The following PCSK5 variants were observed in gnomAD, a reference collection of about 807,000 sequenced individuals.
PCSK5 encodes the protein prohormone convertase 5.
In PCSK5, 129 loss-of-function variants were observed where a neutral mutation model predicts 233.2. That is an observed-to-expected ratio of 0.55 (90% CI 0.48 to 0.64). The LOEUF (loss-of-function observed/expected upper bound fraction) is 0.64, where lower values mean the gene tolerates loss of function less well. PCSK5 is among the 30% of genes least tolerant of loss of function. The pLI is 0.00. For missense variants in PCSK5, 2,076 were observed against 2,430.1 expected, an observed-to-expected ratio of 0.85 and a Z score of 3.06; for synonymous variants, 825 against 879.2, an observed-to-expected ratio of 0.94 and a Z score of 1.09.
chr9:76,242,811 G>T (rs1215641841), intron 24 of PCSK5, among the ~76,000 whole-genome samples: 2 of 152,242 alleles, frequency 1.3e-5, no homozygotes, highest in African/African-American at 4.8e-5. Flanking sequence ...GGCGGGTTGT[G>T]TGTAATCTAA....
intron 5 of PCSK5, among the ~76,000 whole-genome samples, chr9:76,041,231 T>G (rs957749793): frequency 2.0e-5 from 3 of 152,182 alleles, no homozygotes; most frequent in African/African-American, 7.2e-5. Context: ...CCATAAACCA[T>G]AGGAATAGGA....
chr9:76,037,196 A>C (rs1348644338), intron 5 of PCSK5, among the ~76,000 whole-genome samples: 1 of 152,170 alleles, frequency 6.6e-6, no homozygotes, highest in African/African-American at 2.4e-5. Flanking sequence ...CAGAGACTCC[A>C]AAGCAGACAC....
intron 5 of PCSK5, among the ~76,000 whole-genome samples, chr9:76,053,279 G>T (rs1829700272): frequency 6.6e-6 from 1 of 152,178 alleles, no homozygotes; most frequent in Admixed American, 6.5e-5. Context: ...CCTGGTAGAG[G>T]TTCTCCATGA....
intron 10 of PCSK5, among the ~76,000 whole-genome samples, chr9:76,138,750 C>T (rs1038483495): frequency 2.0e-5 from 3 of 151,806 alleles, no homozygotes; most frequent in African/African-American, 4.8e-5. Flanking sequence ...CAGGAATAGA[C>T]GTCAGATAAT....
intron 21 of PCSK5, among the ~76,000 whole-genome samples, chr9:76,231,853 C>T (rs1175044075): frequency 2.0e-5 from 3 of 152,140 alleles, no homozygotes; most frequent in Admixed American, 1.3e-4. Flanking sequence ...GACTCATACT[C>T]TGCAGTGGAC....
chr9:76,200,275 A>T (rs1824865328), intron 20 of PCSK5, among the ~76,000 whole-genome samples: 1 of 152,156 alleles, frequency 6.6e-6, no homozygotes, highest in African/African-American at 2.4e-5. Flanking sequence ...TAGTCATGCC[A>T]ACTTTCTTTT....
At chr9:76,273,754 C>T (rs1161032163) in intron 24 of PCSK5, among the ~76,000 whole-genome samples, 1 of 150,868 alleles carries the variant, frequency 6.6e-6, no homozygotes, top group Admixed American at 6.6e-5. Context: ...TGCCTCAGTC[C>T]CCCAAGTAGC....
At chr9:76,201,521 G>C (rs1824914364) in intron 20 of PCSK5, among the ~76,000 whole-genome samples, 1 of 152,192 alleles carries the variant, frequency 6.6e-6, no homozygotes, top group African/African-American at 2.4e-5. Flanking sequence ...AGCCAAGGAG[G>C]ATTCCATCAA....
chr9:76,313,745 G>A (rs1329988415), intron 30 of PCSK5, among the ~76,000 whole-genome samples: 1 of 152,176 alleles, frequency 6.6e-6, no homozygotes, highest in Non-Finnish European at 1.5e-5. Flanking sequence ...TTAGCATAAT[G>A]TTTTCCAGCT....
At chr9:76,238,028 C>T (rs867698725) in intron 22 of PCSK5, among the ~76,000 whole-genome samples, 4 of 152,070 alleles carry the variant, frequency 2.6e-5, no homozygotes, top group Non-Finnish European at 5.9e-5. Context: ...GATCACATGA[C>T]GAATGAACCC....
At chr9:76,182,307 CA>C (rs1246970289) in intron 16 of PCSK5, among the ~76,000 whole-genome samples, 1 of 151,682 alleles carries the variant, frequency 6.6e-6, no homozygotes, top group Admixed American at 6.6e-5. Context: ...TTAAAAAGTT[CA>C]AAAAATATGA....
At chr9:76,144,330 G>A (rs1823351965) in intron 10 of PCSK5, among the ~76,000 whole-genome samples, 1 of 152,186 alleles carries the variant, frequency 6.6e-6, no homozygotes, top group Non-Finnish European at 1.5e-5. Flanking sequence ...TAGAAGATAT[G>A]TATCCAGCTT....
chr9:76,163,693 G>T (rs1822965601), intron 12 of PCSK5, among the ~76,000 whole-genome samples: 1 of 152,104 alleles, frequency 6.6e-6, no homozygotes, highest in Non-Finnish European at 1.5e-5. Context: ...GGAGAAGCCA[G>T]GTGGGCTTGG....
intron 1 of PCSK5, among the ~76,000 whole-genome samples, chr9:75,898,378 A>G (rs935867873): frequency 6.6e-6 from 1 of 152,212 alleles, no homozygotes; most frequent in African/African-American, 2.4e-5. Context: ...GGTGCTTTCT[A>G]GTAAGCAGCA....
At chr9:75,958,317 C>T (rs1825184826) in intron 2 of PCSK5, among the ~76,000 whole-genome samples, 1 of 152,124 alleles carries the variant, frequency 6.6e-6, no homozygotes, top group African/African-American at 2.4e-5. Flanking sequence ...GTGTTCAAGG[C>T]CTGACCTCCC....
At chr9:76,047,297 C>T (rs1465213706) in intron 5 of PCSK5, among the ~76,000 whole-genome samples, 1 of 151,950 alleles carries the variant, frequency 6.6e-6, no homozygotes, top group Non-Finnish European at 1.5e-5. Flanking sequence ...GGGGTTTCAC[C>T]GTGTTAGCCG....
chr9:76,191,137 T>C (rs932815981), intron 20 of PCSK5, among the ~76,000 whole-genome samples: 2 of 152,238 alleles, frequency 1.3e-5, no homozygotes, highest in Admixed American at 6.5e-5. Context: ...ATGCCAATGA[T>C]GTAGAAATTG....
At chr9:76,228,033 G>A (rs1018048776) in intron 21 of PCSK5, among the ~76,000 whole-genome samples, 26 of 150,762 alleles carry the variant, frequency 1.7e-4, no homozygotes, top group African/African-American at 5.1e-4. Flanking sequence ...GCAGTGGCGC[G>A]ATCTCTGCTC....
At chr9:75,929,470 C>T (rs1823676651) in intron 1 of PCSK5, among the ~76,000 whole-genome samples, 1 of 151,190 alleles carries the variant, frequency 6.6e-6, no homozygotes, top group Non-Finnish European at 1.5e-5. Flanking sequence ...ATTAATGATG[C>T]TGACCTTGCC....
Sources: allele counts gnomAD v4.1 joint callset (sites outside exome capture counted in the v4.1 genomes callset), GRCh38; gene constraint gnomAD v4.1.1; transcripts MANE v1.5; gene names NCBI Gene and HGNC (gene_info 2026-07-23, HGNC 2026-07-21).